CHD6: variants seen among roughly 807,000 people sequenced by gnomAD.
CHD6 encodes the protein ATP-dependent chromatin remodeler CHD6.
Under a neutral mutation model 276.9 loss-of-function variants are expected in CHD6, and 50 were observed. The ratio of observed to expected loss-of-function variants is 0.18; its 90% CI spans 0.14 to 0.23. The LOEUF is 0.23. Ranked by LOEUF, CHD6 falls within the 10% of genes least tolerant of loss-of-function variation. The pLI, the probability that CHD6 is intolerant of heterozygous loss-of-function variation, is 1.00. For missense variants in CHD6, 2,564 were observed against 3,365.8 expected, an observed-to-expected ratio of 0.76 and a Z score of 5.89; for synonymous variants, 1,173 against 1,229.3, an observed-to-expected ratio of 0.95 and a Z score of 0.96.
At chr20:41,531,104 A>G (rs1330355412) in intron 3 of CHD6, among the ~76,000 whole-genome samples, 1 of 152,190 alleles carries the variant, frequency 6.6e-6, no homozygotes, top group Non-Finnish European at 1.5e-5. Flanking sequence ...ATTTATGACA[A>G]TGTTTGCATA....
chr20:41,611,474 C>A (rs1044335025), intron 1 of CHD6, among the ~76,000 whole-genome samples: 4 of 152,202 alleles, frequency 2.6e-5, no homozygotes, highest in African/African-American at 9.6e-5. Flanking sequence ...TCCATCATAA[C>A]AGGAGGTTCT....
intron 3 of CHD6, among the ~76,000 whole-genome samples, chr20:41,523,413 T>C (rs1035773341): frequency 6.6e-6 from 1 of 152,176 alleles, no homozygotes; most frequent in African/African-American, 2.4e-5. Flanking sequence ...AAGTAACTAT[T>C]TTTTATTAAA....
In CHD6 at chr20:41,452,690, G is replaced by C; in HGVS notation, c.3323+50C>G. 6.5e-7 allele frequency: 1 copy of C among 1,527,994 alleles called. No individual in the cohort carries two copies. Among genetic ancestry groups the C allele is most frequent in the South Asian group, 1.1e-5 (1 of 87,478 alleles). 94.7% of individuals were successfully genotyped at this position (1,527,994 alleles called of 1,614,324 possible). A position where few individuals can be genotyped will look rare whatever the true frequency, so the allele number is the denominator to read the frequency against. ...GACAAATCTCAGGGACTGAAAAACA[G>C]AGGGGAACAAACAACAATAACAACA... On this transcript the variant is annotated intron_variant, in intron 21 of 36. Transcript: ENST00000373233. This position sits in a 1 kb window ranked among gnomAD's most constrained non-coding sequence, Gnocchi z 4.2.
intron 24 of CHD6, among the ~76,000 whole-genome samples, chr20:41,446,209 T>A (rs2048063739): frequency 6.6e-6 from 1 of 152,204 alleles, no homozygotes; most frequent in African/African-American, 2.4e-5. Flanking sequence ...GCTCAGTATG[T>A]TGCCTCAACA....
At chr20:41,422,937 T>G (rs1423442289) in intron 30 of CHD6, among the ~76,000 whole-genome samples, 1 of 152,174 alleles carries the variant, frequency 6.6e-6, no homozygotes, top group Non-Finnish European at 1.5e-5. Context: ...TCCTAAAATA[T>G]TGTCCCATGA....
Position 41,421,318 on chromosome 20 carries a change from T to G in CHD6, c.5317A>C (p.Asn1773His). The G allele has an allele frequency of 6.2e-7, 1 of 1,614,204 alleles. No homozygotes were observed. Among genetic ancestry groups the G allele is most frequent in the Non-Finnish European group, 8.5e-7 (1 of 1,180,034 alleles). ...SLEAGGVAQA[N>H]IKNGKHLLMS... ...AACAAATGTTTTCCATTTTTGATGTTTGCTTGAGCTACTCCTCCTGCTTCT... is the reference window on the plus strand; with the variant it reads ...AACAAATGTTTTCCATTTTTGATGTGTGCTTGAGCTACTCCTCCTGCTTCT... Residue 1773 changes from asparagine (N) to histidine (H), a missense_variant, in exon 31 of 37, where the codon AAC becomes CAC. By Grantham distance (68) the Asn-to-His change is moderately conservative. Around this residue, in one of 7 missense-constraint regions of CHD6, gnomAD observed 1,024 missense variants for 1,047.9 expected, o/e 0.98. Coordinates refer to ENST00000373233, the MANE Select transcript of CHD6 (RefSeq NM_032221.5).
chr20:41,423,493 G>A lies in CHD6; in HGVS notation c.4554C>T (p.Gly1518=), dbSNP rs141301311. 2.1e-4 allele frequency: 332 copies of A among 1,612,846 alleles called. No homozygotes were observed. Among genetic ancestry groups the A allele is most frequent in the Non-Finnish European group, 2.6e-4 (307 of 1,179,008 alleles). ...ACAATATACTGATAGTTTTCTCACC[G>A]CCATCTTTCCATGTGGGTAGACGAC... ...NVCRLPTWKD[G]GPPDTTIYVE... Residue 1518 remains glycine, a splice_region_variant and synonymous_variant, in exon 30 of 37, where the codon GGC becomes GGT. Transcript: ENST00000373233.
chr20:41,617,003 C>T (rs2146318286), intron 1 of CHD6, among the ~76,000 whole-genome samples: 1 of 152,246 alleles, frequency 6.6e-6, no homozygotes, highest in East Asian at 1.9e-4. Flanking sequence ...CCACAAAGTA[C>T]ATCAAAATTG....
intron 1 of CHD6, among the ~76,000 whole-genome samples, chr20:41,553,317 T>G (rs1196520034): frequency 2.0e-5 from 3 of 152,216 alleles, no homozygotes; most frequent in Admixed American, 6.5e-5. Flanking sequence ...TTAGAAGTAG[T>G]AGTTTCTTTT....
chr20:41,416,680 T>C lies in CHD6; in HGVS notation c.6394A>G (p.Ser2132Gly), dbSNP rs527585389. The C allele has an allele frequency of 4.3e-6, 7 of 1,614,206 alleles. No homozygotes were observed. In the East Asian group the frequency reaches 1.6e-4, roughly 36 times the overall value. Residue 2132 changes from serine to glycine, a missense_variant, in exon 33 of 37, where the codon AGC becomes GGC. Transcript: ENST00000373233. ...AGGCTGGTTCGAGAACCAGCACTGC[T>C]GGTTAATACCGGGGTGGGCAGTGTG... ...SGTLPTPVLT[S>G]SAGSRTSLSE... is the part of the protein sequence containing the mutation.
chr20:41,554,954 C>T (rs1446250057), intron 1 of CHD6, among the ~76,000 whole-genome samples: 3 of 151,588 alleles, frequency 2.0e-5, no homozygotes, highest in African/African-American at 7.3e-5. Context: ...CCAGTAGGGG[C>T]AGCCGGGCAG....
In CHD6 at chr20:41,500,551, G is replaced by A. The variant is rs527883296; in HGVS notation, c.853-1194C>T. ...CACGTCCCTTCTCACCACTCAACAGGAAGGCAAGTAAACTATAATTACCAT... is the reference window on the plus strand; with the variant it reads ...CACGTCCCTTCTCACCACTCAACAGAAAGGCAAGTAAACTATAATTACCAT... On this transcript the variant is annotated intron_variant, in intron 5 of 36. Coordinates refer to ENST00000373233, the MANE Select transcript of CHD6 (RefSeq NM_032221.5). Among the ~76,000 whole-genome samples the A allele has an allele frequency of 7.2e-5, 11 of 152,262 alleles. No homozygotes were observed. The South Asian group carries it at 2.3e-3, about 32-fold the overall frequency.
At chr20:41,440,924 G>C (rs952996542) in intron 25 of CHD6, among the ~76,000 whole-genome samples, 10 of 152,164 alleles carry the variant, frequency 6.6e-5, no homozygotes, top group African/African-American at 2.4e-4. Context: ...ATTTAACTGT[G>C]TTTGGTATTT....
intron 2 of CHD6, chr20:41,547,660 TA>T: frequency 2.8e-6 from 2 of 725,036 alleles, no homozygotes; most frequent in Non-Finnish European, 4.6e-6. Context: ...GCCTCTGCCC[TA>T]ATCATCAAAG....
intron 17 of CHD6, among the ~76,000 whole-genome samples, chr20:41,465,576 GA>G (rs1463364076): frequency 6.6e-6 from 1 of 151,610 alleles, no homozygotes; most frequent in Non-Finnish European, 1.5e-5. Context: ...TACTGGGCCA[GA>G]AAAAAAATAT....
chr20:41,613,725 T>C (rs2045909954), intron 1 of CHD6, among the ~76,000 whole-genome samples: 1 of 152,178 alleles, frequency 6.6e-6, no homozygotes, highest in Admixed American at 6.5e-5. Flanking sequence ...TTAGTATGTT[T>C]TGTATGCTGG....
At chr20:41,479,335 C>T (rs1381417225) in intron 16 of CHD6, among the ~76,000 whole-genome samples, 1 of 152,126 alleles carries the variant, frequency 6.6e-6, no homozygotes, top group African/African-American at 2.4e-5. Flanking sequence ...TCAAGAAGCT[C>T]AGTAAGCAGG....
At chr20:41,513,317 C>T (rs1568661732) in intron 4 of CHD6, among the ~76,000 whole-genome samples, 1 of 152,156 alleles carries the variant, frequency 6.6e-6, no homozygotes, top group Admixed American at 6.5e-5. Context: ...CACTTCTCCT[C>T]CAATAAAACA....
In CHD6 at chr20:41,456,284, G is replaced by C. The variant is rs1477677996; in HGVS notation, c.2830-305C>G. 2.6e-5 allele frequency among the ~76,000 whole-genome samples: 4 copies of C among 151,860 alleles called. No homozygotes were observed. The South Asian group carries it at 6.2e-4, about 24-fold the overall frequency. On this transcript the variant is annotated intron_variant, in intron 18 of 36. Coordinates refer to ENST00000373233, the MANE Select transcript of CHD6 (RefSeq NM_032221.5). ...ACTATAACTATGCATCATTGAAGAT[G>C]GTACTTTTGACATCTTTATATTTTA...
Sources: allele counts gnomAD v4.1 joint callset (sites outside exome capture counted in the v4.1 genomes callset), GRCh38; gene constraint gnomAD v4.1.1; regional missense constraint gnomAD v4.1.1; non-coding constraint Gnocchi (gnomAD v3.1); transcripts MANE v1.5; gene names NCBI Gene and HGNC (gene_info 2026-07-23, HGNC 2026-07-21).